Variants in KAZN observed in about 807,000 individuals in gnomAD.
KAZN encodes kazrin.
In KAZN, 40 loss-of-function variants were observed where a neutral mutation model predicts 87.4. That is an observed-to-expected ratio of 0.46 (90% confidence interval 0.36 to 0.60). The LOEUF (loss-of-function observed/expected upper bound fraction) is 0.60. Among genes scored for constraint, KAZN ranks in the 20% least tolerant of loss-of-function variants. The pLI is 0.00. For missense variants in KAZN, 898 were observed against 1,073.9 expected (o/e 0.84, Z 2.29); for synonymous variants, 466 against 458.3 (o/e 1.02, Z -0.22).
chr1:14,436,893 T>G (rs1200612571), intron 2 of KAZN, among the ~76,000 whole-genome samples: 1 of 152,148 alleles, frequency 6.6e-6, no homozygotes, highest in Non-Finnish European at 1.5e-5. Flanking sequence ...TTCCAAAGCC[T>G]TCTTCTCAAG....
intron 2 of KAZN, among the ~76,000 whole-genome samples, chr1:14,367,556 G>C (rs1393221945): frequency 6.6e-6 from 1 of 152,142 alleles, no homozygotes; most frequent in East Asian, 1.9e-4. Flanking sequence ...CATGGTCCCA[G>C]GCTTGAGGGT....
intron 2 of KAZN, among the ~76,000 whole-genome samples, chr1:14,273,019 GA>G (rs1378128194): frequency 6.6e-6 from 1 of 152,138 alleles, no homozygotes; most frequent in African/African-American, 2.4e-5. Context: ...TGGAAGCTTA[GA>G]GAGAGGAAAC....
chr1:15,000,799 A>G (rs1265923915), intron 2 of KAZN, among the ~76,000 whole-genome samples: 2 of 151,982 alleles, frequency 1.3e-5, no homozygotes, highest in Non-Finnish European at 2.9e-5. Flanking sequence ...ACATTAGGCA[A>G]CCTGGATTCA....
intron 7 of KAZN, among the ~76,000 whole-genome samples, chr1:15,063,963 G>T (rs546437177): frequency 6.6e-6 from 1 of 152,200 alleles, no homozygotes; most frequent in Non-Finnish European, 1.5e-5. Context: ...ACCTGGGCCC[G>T]CCTGGCCCTG....
intron 2 of KAZN, among the ~76,000 whole-genome samples, chr1:14,367,474 C>CT (rs1455187254): frequency 5.9e-5 from 9 of 151,972 alleles, no homozygotes. Flanking sequence ...GGGGGGCGGG[C>CT]TGGGCCATGG....
At chr1:14,986,996 G>A (rs937196599) in intron 2 of KAZN, among the ~76,000 whole-genome samples, 4 of 152,186 alleles carry the variant, frequency 2.6e-5, no homozygotes, top group Non-Finnish European at 5.9e-5. Flanking sequence ...TGCATGCCAG[G>A]CCAGGGCTGG....
intron 1 of KAZN, among the ~76,000 whole-genome samples, chr1:14,934,664 G>T (rs1274803065): frequency 6.6e-6 from 1 of 152,248 alleles, no homozygotes; most frequent in East Asian, 1.9e-4. Context: ...GGGACAGGCT[G>T]CCCTGGGAGG....
At chr1:14,213,235 T>A (rs1261209695) in intron 2 of KAZN, among the ~76,000 whole-genome samples, 1 of 152,192 alleles carries the variant, frequency 6.6e-6, no homozygotes, top group Non-Finnish European at 1.5e-5. Context: ...CGGGGTTGAT[T>A]TCATCATGCC....
chr1:14,772,889 G>A (rs1302399026), intron 1 of KAZN, among the ~76,000 whole-genome samples: 1 of 152,002 alleles, frequency 6.6e-6, no homozygotes, highest in Non-Finnish European at 1.5e-5. Context: ...TTTCCACTGG[G>A]GCACACCACA....
intron 1 of KAZN, among the ~76,000 whole-genome samples, chr1:14,921,799 C>G (rs1352840629): frequency 6.6e-6 from 1 of 152,212 alleles, no homozygotes; most frequent in Non-Finnish European, 1.5e-5. Context: ...GCAGCCTCCC[C>G]CTCCTAGGTT....
chr1:14,603,015 A>G (rs979160159), intron 1 of KAZN, among the ~76,000 whole-genome samples: 1 of 152,218 alleles, frequency 6.6e-6, no homozygotes, highest in African/African-American at 2.4e-5. Context: ...GCATTAAAAT[A>G]GGCTGTTACT....
At chr1:14,770,029 G>C (rs1489998835) in intron 1 of KAZN, among the ~76,000 whole-genome samples, 1 of 152,290 alleles carries the variant, frequency 6.6e-6, no homozygotes, top group East Asian at 1.9e-4. Context: ...AAGGTCCTGA[G>C]GTAGAGTGAA....
intron 1 of KAZN, among the ~76,000 whole-genome samples, chr1:14,050,951 GC>G (rs1253629337): frequency 2.0e-5 from 3 of 152,200 alleles, no homozygotes; most frequent in Non-Finnish European, 2.9e-5. Context: ...AAATGTTTTT[GC>G]TGATGTTGTT....
intron 1 of KAZN, among the ~76,000 whole-genome samples, chr1:14,118,414 A>T (rs988262291): frequency 6.6e-6 from 1 of 152,162 alleles, no homozygotes; most frequent in Non-Finnish European, 1.5e-5. Context: ...TTCTCAAGAT[A>T]AGGTGGTTTG....
intron 1 of KAZN, among the ~76,000 whole-genome samples, chr1:14,787,978 C>T (rs1190002848): frequency 1.3e-5 from 2 of 152,196 alleles, no homozygotes; most frequent in Admixed American, 6.5e-5. Context: ...AGCCAATCAG[C>T]GGTGAGAGCC....
At chr1:13,896,480 T>A (rs955734677) in intron 1 of KAZN, among the ~76,000 whole-genome samples, 23 of 152,124 alleles carry the variant, frequency 1.5e-4, no homozygotes, top group Non-Finnish European at 2.5e-4. Context: ...TTTGTAGAGA[T>A]GAAGTCTCGT....
intron 1 of KAZN, among the ~76,000 whole-genome samples, chr1:14,056,117 A>G (rs1405280108): frequency 1.3e-5 from 2 of 152,220 alleles, no homozygotes; most frequent in African/African-American, 4.8e-5. Flanking sequence ...ACTCAGCTTC[A>G]TGGAGCCTCA....
chr1:14,938,515 C>A (rs1660707778), intron 1 of KAZN, among the ~76,000 whole-genome samples: 1 of 148,316 alleles, frequency 6.7e-6, no homozygotes, highest in South Asian at 2.2e-4. Context: ...GCACTCCAGC[C>A]TGGGCAACAA....
At chr1:15,041,934 C>T (rs764393172) in intron 3 of KAZN, among the ~76,000 whole-genome samples, 1 of 152,124 alleles carries the variant, frequency 6.6e-6, no homozygotes, top group South Asian at 2.1e-4. Flanking sequence ...AATCATAGTC[C>T]CTGCCTCAGG....
Sources: allele counts gnomAD v4.1 joint callset (sites outside exome capture counted in the v4.1 genomes callset), GRCh38; gene constraint gnomAD v4.1.1; transcripts MANE v1.5; gene names NCBI Gene and HGNC (gene_info 2026-07-23, HGNC 2026-07-21).